Variants in THSD4 observed in about 807,000 individuals in gnomAD.
THSD4 encodes the protein thrombospondin type-1 domain-containing protein 4.
Under a neutral mutation model 119.0 loss-of-function variants are expected in THSD4, and 69 were observed. The ratio of observed to expected loss-of-function variants is 0.58; its 90% CI spans 0.48 to 0.71. The LOEUF is 0.71. THSD4 is among the 30% of genes least tolerant of loss of function. The pLI, the probability that THSD4 is intolerant of heterozygous loss-of-function variation, is 0.00. For synonymous variants in THSD4, 524 were observed against 540.4 expected (o/e 0.97, Z 0.42); for missense variants, 1,393 against 1,391.1 (o/e 1.00, Z -0.02).
chr15:71,187,984 G>T (rs1055480361), intron 3 of THSD4, among the ~76,000 whole-genome samples: 1 of 152,166 alleles, frequency 6.6e-6, no homozygotes, highest in African/African-American at 2.4e-5. Context: ...GACAATCATT[G>T]CTTATGCTTG....
intron 3 of THSD4, chr15:71,164,845 C>T (rs1206752747): frequency 1.9e-6 from 3 of 1,586,786 alleles, no homozygotes; most frequent in Non-Finnish European, 1.7e-6. Context: ...CTTCATCTTC[C>T]TCATCTTCCT....
chr15:71,259,757 C>T (rs1299402133), intron 6 of THSD4, among the ~76,000 whole-genome samples: 1 of 152,134 alleles, frequency 6.6e-6, no homozygotes, highest in Non-Finnish European at 1.5e-5. Flanking sequence ...GGTAGAGAAC[C>T]TCTCATCTAA....
chr15:71,339,386 A>G (rs1232930594), intron 6 of THSD4, among the ~76,000 whole-genome samples: 1 of 152,012 alleles, frequency 6.6e-6, no homozygotes, highest in East Asian at 1.9e-4. Flanking sequence ...TCAGATATTT[A>G]ATTATCCCCT....
At chr15:71,475,020 G>C (rs2047636989) in intron 7 of THSD4, among the ~76,000 whole-genome samples, 1 of 152,218 alleles carries the variant, frequency 6.6e-6, no homozygotes, top group South Asian at 2.1e-4. Flanking sequence ...TACTGATTCA[G>C]ACACCCTGAG....
chr15:71,194,065 C>T (rs1485684965), intron 3 of THSD4, among the ~76,000 whole-genome samples: 1 of 152,202 alleles, frequency 6.6e-6, no homozygotes, highest in African/African-American at 2.4e-5. Flanking sequence ...CTCACTCTCT[C>T]TTGCCTGCTG....
At chr15:71,263,063 C>T (rs1210325722) in intron 6 of THSD4, among the ~76,000 whole-genome samples, 1 of 151,860 alleles carries the variant, frequency 6.6e-6, no homozygotes, top group Non-Finnish European at 1.5e-5. Context: ...TTTCATCACC[C>T]AGTTATTCAG....
chr15:71,380,127 G>C (rs562412444), intron 6 of THSD4, among the ~76,000 whole-genome samples: 1 of 152,198 alleles, frequency 6.6e-6, no homozygotes, highest in South Asian at 2.1e-4. Flanking sequence ...TTTCATTTTT[G>C]TTTACGTACT....
intron 7 of THSD4, among the ~76,000 whole-genome samples, chr15:71,517,414 C>T (rs902618738): frequency 2.0e-5 from 3 of 152,200 alleles, no homozygotes; most frequent in Admixed American, 6.6e-5. Flanking sequence ...CACTTTCATT[C>T]TAGCCCTCAG....
At chr15:71,490,873 T>C (rs1248277013) in intron 7 of THSD4, among the ~76,000 whole-genome samples, 1 of 152,260 alleles carries the variant, frequency 6.6e-6, no homozygotes, top group African/African-American at 2.4e-5. Flanking sequence ...GTATTGTCTT[T>C]GGTTCCTTGC....
intron 7 of THSD4, among the ~76,000 whole-genome samples, chr15:71,640,598 C>T (rs1237417031): frequency 6.6e-6 from 1 of 152,142 alleles, no homozygotes; most frequent in East Asian, 1.9e-4. Context: ...AGTCCCAAGC[C>T]ATGCTGATTA....
intron 6 of THSD4, among the ~76,000 whole-genome samples, chr15:71,271,985 T>C (rs780650449): frequency 6.6e-5 from 10 of 152,056 alleles, no homozygotes; most frequent in Non-Finnish European, 1.5e-4. Context: ...AAACAATGAA[T>C]AGAGTGAAAA....
chr15:71,390,810 C>T (rs999871904), intron 6 of THSD4, among the ~76,000 whole-genome samples: 8 of 150,270 alleles, frequency 5.3e-5, no homozygotes, highest in Non-Finnish European at 7.4e-5. Context: ...TCTCTTTTTC[C>T]GGGCTCCTCA....
At chr15:71,208,745 C>G (rs528872225) in intron 3 of THSD4, among the ~76,000 whole-genome samples, 1 of 152,080 alleles carries the variant, frequency 6.6e-6, no homozygotes, top group Non-Finnish European at 1.5e-5. Context: ...CGCCTGACCT[C>G]AAATTATCCA....
chr15:71,599,542 A>G (rs1417833976), intron 7 of THSD4, among the ~76,000 whole-genome samples: 1 of 152,202 alleles, frequency 6.6e-6, no homozygotes, highest in African/African-American at 2.4e-5. Context: ...TAGAAATGCT[A>G]TGGAGTATCT....
At position 71,737,926 on chromosome 15, in the gene THSD4, G is replaced by A. The variant is rs2053150049; in HGVS notation, c.1825G>A (p.Ala609Thr). ...PHRPDNLVPP[A>T]PQPPRRSRDH... ...TCGACCGGACAACTTGGTGCCACCAGCACCGCAGCCCCCACGGCGCAGCCG... is the reference window on the plus strand; with the variant it reads ...TCGACCGGACAACTTGGTGCCACCAACACCGCAGCCCCCACGGCGCAGCCG... The change falls in exon 11 of 18, where the codon GCA (alanine) becomes ACA (threonine). Residue 609 changes from alanine (A) to threonine (T), a missense_variant. Coordinates refer to ENST00000261862, the MANE Select transcript of THSD4 (RefSeq NM_024817.3). 2 of 1,614,230 alleles carry A rather than the reference G, an allele frequency of 1.2e-6. No individual in the cohort carries two copies. Among genetic ancestry groups the A allele is most frequent in the East Asian group, 2.2e-5 (1 of 44,880 alleles).
At chr15:71,771,534 G>A (rs774606312) in intron 17 of THSD4, among the ~76,000 whole-genome samples, 28 of 152,178 alleles carry the variant, frequency 1.8e-4, no homozygotes, top group African/African-American at 5.5e-4. Context: ...GCAAACCAGT[G>A]TAGGCTGGAC....
At chr15:71,124,243 A>G (rs771309379) in intron 1 of THSD4, among the ~76,000 whole-genome samples, 2 of 152,260 alleles carry the variant, frequency 1.3e-5, no homozygotes, top group Admixed American at 1.3e-4. Context: ...GAAGCCATAG[A>G]CAATAGATAA....
At chr15:71,510,180 C>T (rs1424559270) in intron 7 of THSD4, among the ~76,000 whole-genome samples, 2 of 152,222 alleles carry the variant, frequency 1.3e-5, no homozygotes, top group Admixed American at 6.5e-5. Flanking sequence ...TTGCCACTAG[C>T]GCTCAGCACA....
intron 7 of THSD4, among the ~76,000 whole-genome samples, chr15:71,561,301 T>A (rs1032579229): frequency 1.1e-4 from 16 of 152,180 alleles, no homozygotes; most frequent in African/African-American, 3.9e-4. Flanking sequence ...GGGAGGATCA[T>A]GTCAATATCG....
Sources: allele counts gnomAD v4.1 joint callset (sites outside exome capture counted in the v4.1 genomes callset), GRCh38; gene constraint gnomAD v4.1.1; transcripts MANE v1.5; gene names NCBI Gene and HGNC (gene_info 2026-07-23, HGNC 2026-07-21).